RC3H2: variants seen among roughly 807,000 people sequenced by gnomAD.
RC3H2 encodes ring finger and CCCH-type domains 2.
Under a neutral mutation model 133.3 loss-of-function variants are expected in RC3H2, and 31 were observed. That is an observed-to-expected ratio of 0.23 (90% confidence interval 0.17 to 0.31). The LOEUF (loss-of-function observed/expected upper bound fraction) is 0.31. Ranked by LOEUF, RC3H2 falls within the 10% of genes least tolerant of loss-of-function variation. The probability of loss-of-function intolerance (pLI) is 1.00; values close to 1 mark genes in which losing one functional copy is unlikely to be tolerated. For missense variants in RC3H2, 1,175 were observed against 1,437.2 expected (o/e 0.82, Z 2.95); for synonymous variants, 517 against 502.2 (o/e 1.03, Z -0.40).
In RC3H2 at chr9:122,880,605, T is replaced by C; in HGVS notation, c.949A>G (p.Ile317Val). 1.2e-6 allele frequency: 2 copies of C among 1,613,086 alleles called. No homozygotes were observed. The highest frequency in any genetic ancestry group is 1.7e-6 in the Non-Finnish European group (2 of 1,179,094). The change falls in exon 6 of 21, where the codon ATC becomes GTC. Residue 317 changes from isoleucine to valine, a missense_variant. Ile to Val is a conservative substitution (Grantham distance 29). Coordinates refer to ENST00000357244, the MANE Select transcript of RC3H2 (RefSeq NM_001100588.3). The part of the protein sequence containing the change: ...DLAHKSHMQS[I>V]IDKLQSPESF... Reference sequence around the variant, plus strand: ...CTAATTTCACAAACCTTATCAATGATAGACTGCATGTGTGATTTATGAGCC... The same window carrying C: ...CTAATTTCACAAACCTTATCAATGACAGACTGCATGTGTGATTTATGAGCC...
intron 4 of RC3H2, 121 bp from the exon 5 acceptor site, chr9:122,883,500 T>A: frequency 1.5e-6 from 1 of 648,342 alleles, no homozygotes; most frequent in Non-Finnish European, 2.5e-6. Flanking sequence ...TTATATTTAA[T>A]TAGCACAAAG....
Position 122,854,042 on chromosome 9 carries a change from C to T in RC3H2, c.3027G>A (p.Leu1009=). The part of the protein sequence containing the change: ...SLLLQREANA[L]AMQQKWNSLD... The stretch of plus-strand genomic sequence containing the variant: ...GGGAATTCCACTTCTGTTGCATGGC[C>T]AAAGCATTGGCCTCTCTCTGAAGAA... The change falls in exon 18 of 21, where the codon TTG becomes TTA. Residue 1009 remains leucine, a synonymous_variant. Coordinates refer to ENST00000357244, the MANE Select transcript of RC3H2 (RefSeq NM_001100588.3). 1 of 1,614,072 alleles carries T rather than the reference C, an allele frequency of 6.2e-7. No homozygotes were observed. Among genetic ancestry groups the T allele is most frequent in the South Asian group, 1.1e-5 (1 of 91,082 alleles).
At chr9:122,872,128 T>C (rs1236775916) in intron 9 of RC3H2, among the ~76,000 whole-genome samples, 1 of 152,218 alleles carries the variant, frequency 6.6e-6, no homozygotes, top group Admixed American at 6.5e-5. Context: ...AACATCATTA[T>C]GGCCAAGAGA....
At chr9:122,887,105 G>A (rs971790454) in intron 4 of RC3H2, among the ~76,000 whole-genome samples, 2 of 152,074 alleles carry the variant, frequency 1.3e-5, no homozygotes, top group African/African-American at 2.4e-5. Flanking sequence ...GTAACCTCTC[G>A]TCTAATGGGT....
chr9:122,875,307 T>C, intron 9 of RC3H2: 2 of 1,550,552 alleles, frequency 1.3e-6, no homozygotes, highest in Non-Finnish European at 1.7e-6. Flanking sequence ...TTATGTACAG[T>C]GCCCAAGCTA....
At chr9:122,901,349 CACAATT>C (rs1832639622) in intron 1 of RC3H2, among the ~76,000 whole-genome samples, 1 of 152,046 alleles carries the variant, frequency 6.6e-6, no homozygotes, top group African/African-American at 2.4e-5. Flanking sequence ...AAAGCATAAG[CACAATT>C]TGGATCTCTA....
At chr9:122,864,406 G>C (rs531582190) in intron 10 of RC3H2, among the ~76,000 whole-genome samples, 1 of 152,262 alleles carries the variant, frequency 6.6e-6, no homozygotes, top group East Asian at 1.9e-4. Context: ...AATATTTACT[G>C]AGTGCTTACT....
chr9:122,852,832 T>C (rs1772359875), intron 18 of RC3H2, among the ~76,000 whole-genome samples: 1 of 151,768 alleles, frequency 6.6e-6, no homozygotes, highest in South Asian at 2.1e-4. Flanking sequence ...CCGCCCCTAC[T>C]GGGAAGTGAG....
In RC3H2 at chr9:122,880,609, C is replaced by A. The variant is rs759047776; in HGVS notation, c.945G>T (p.Gln315His). 6.2e-7 allele frequency: 1 copy of A among 1,613,380 alleles called. No individual in the cohort carries two copies. Among genetic ancestry groups the A allele is most frequent in the South Asian group, 1.1e-5 (1 of 91,068 alleles). Residue 315 changes from glutamine to histidine, a missense_variant, in exon 6 of 21, where the codon CAG (glutamine) becomes CAT (histidine). By Grantham distance (24) the Gln-to-His change is conservative. Transcript: ENST00000357244. ...TTTCACAAACCTTATCAATGATAGA[C>A]TGCATGTGTGATTTATGAGCCAAAT... ...YGDLAHKSHM[Q>H]SIIDKLQSPE...
In RC3H2 at chr9:122,844,620, T is replaced by C. The variant is rs1044389429; in HGVS notation, c.*5007A>G. On this transcript the variant is annotated 3_prime_UTR_variant, in exon 21 of 21. Transcript: ENST00000357244. ...TACATGTCAAGTACTGCAAACTTTT[T>C]CCATCAATTTTCTCTCAAACACTGA... 1 of 152,228 alleles carries C rather than the reference T, an allele frequency of 6.6e-6. No homozygotes were observed. The highest frequency in any genetic ancestry group is 1.5e-5 in the Non-Finnish European group (1 of 68,030). The allele number at this position is 152,228 out of a possible 1,614,324, so 9.4% of individuals were successfully genotyped here.
intron 10 of RC3H2, among the ~76,000 whole-genome samples, chr9:122,863,788 G>A (rs778172795): frequency 2.6e-5 from 4 of 151,814 alleles, no homozygotes; most frequent in Non-Finnish European, 5.9e-5. Context: ...CCAGGCTGGC[G>A]TACAACGGTG....
At chr9:122,890,280 A>C (rs754670099) in intron 4 of RC3H2, 32 bp downstream of exon 4, 1 of 1,570,538 alleles carries the variant, frequency 6.4e-7, no homozygotes, top group South Asian at 1.1e-5. Flanking sequence ...CCCAATAGCT[A>C]ATAAAAAAGG....
intron 8 of RC3H2, 68 bp downstream of exon 8, chr9:122,879,687 G>A (rs935991063): frequency 9.5e-6 from 10 of 1,048,854 alleles, no homozygotes; most frequent in Non-Finnish European, 1.4e-5. Flanking sequence ...CAAAACAGCT[G>A]GTTAAGATGT....
chr9:122,880,523 T>G (rs1831573169), intron 6 of RC3H2, 71 bp downstream of exon 6: 1 of 1,191,278 alleles, frequency 8.4e-7, no homozygotes, highest in African/African-American at 1.5e-5. Flanking sequence ...GTGTATAGAC[T>G]CTTTAGAATA....
intron 8 of RC3H2, 22 bp from the exon 9 acceptor site, chr9:122,877,605 C>G: frequency 6.4e-7 from 1 of 1,557,558 alleles, no homozygotes; most frequent in Non-Finnish European, 8.9e-7. Flanking sequence ...GGAACACATT[C>G]AATGAGTGGC....
chr9:122,852,040 C>G (rs1250807376), intron 18 of RC3H2, among the ~76,000 whole-genome samples: 1 of 151,416 alleles, frequency 6.6e-6, no homozygotes, highest in Non-Finnish European at 1.5e-5. Context: ...GCCATCCCAT[C>G]TGGGAAGTGA....
chr9:122,869,738 T>A (rs1031534995), intron 9 of RC3H2, among the ~76,000 whole-genome samples: 2 of 151,860 alleles, frequency 1.3e-5, no homozygotes, highest in African/African-American at 4.8e-5. Context: ...CCTGGCTAAT[T>A]TTTGTATTTT....
At chr9:122,894,768 T>C (rs756313574) in intron 2 of RC3H2, among the ~76,000 whole-genome samples, 13 of 152,050 alleles carry the variant, frequency 8.5e-5, no homozygotes, top group Non-Finnish European at 1.9e-4. Flanking sequence ...CAACCCCAGC[T>C]ACTTGGGAGG....
chr9:122,896,970 G>A (rs917683347), intron 2 of RC3H2, among the ~76,000 whole-genome samples: 1 of 139,362 alleles, frequency 7.2e-6, no homozygotes, highest in Non-Finnish European at 1.5e-5. Flanking sequence ...AGGTTGCAGT[G>A]AGCCCAGATC....
Sources: allele counts gnomAD v4.1 joint callset (sites outside exome capture counted in the v4.1 genomes callset), GRCh38; gene constraint gnomAD v4.1.1; transcripts MANE v1.5; gene names NCBI Gene and HGNC (gene_info 2026-07-23, HGNC 2026-07-21).